Variants in NT5C2 observed in about 807,000 individuals in gnomAD.
The protein encoded by NT5C2 is 5'-nucleotidase, cytosolic II.
Under a neutral mutation model 76.1 loss-of-function variants are expected in NT5C2, and 58 were observed. The observed-to-expected ratio is 0.76, with a 90% CI of 0.62 to 0.95. NT5C2 has a LOEUF of 0.95. Among genes scored for constraint, NT5C2 ranks in the 40% least tolerant of loss-of-function variants. NT5C2 has a pLI of 0.00. For synonymous variants in NT5C2, 229 were observed against 237.4 expected, an observed-to-expected ratio of 0.96 and a Z score of 0.32; for missense variants, 478 against 690.3, an observed-to-expected ratio of 0.69 and a Z score of 3.45.
chr10:103,147,121 A>C (rs1451697158), intron 3 of NT5C2, among the ~76,000 whole-genome samples: 1 of 152,222 alleles, frequency 6.6e-6, no homozygotes, highest in Non-Finnish European at 1.5e-5. Context: ...AGTTATTTAT[A>C]AACTGGTCCT....
chr10:103,186,912 CA>C (rs34351688), intron 1 of NT5C2, among the ~76,000 whole-genome samples: 29,151 of 88,232 alleles, frequency 0.33, 2,979 homozygotes, highest in East Asian at 0.53. Flanking sequence ...GACTCCGTCT[CA>C]AAAAAAAAAA....
At chr10:103,097,852 C>A in intron 10 of NT5C2, 1 of 360,414 alleles carries the variant, frequency 2.8e-6, no homozygotes, top group Admixed American at 4.4e-5. Flanking sequence ...TAGAAATACC[C>A]ACACCCACGT....
chr10:103,136,626 A>T (rs1034067989), intron 4 of NT5C2, among the ~76,000 whole-genome samples: 46 of 143,068 alleles, frequency 3.2e-4, no homozygotes, highest in East Asian at 1.4e-3. Context: ...TCAGTTAATT[A>T]TTTTTTTTTT....
intron 4 of NT5C2, among the ~76,000 whole-genome samples, chr10:103,129,365 G>A (rs1422710463): frequency 1.5e-4 from 17 of 109,792 alleles, no homozygotes; most frequent in African/African-American, 5.3e-4. Context: ...TCAGCTCTCC[G>A]CCCGGCCAGC....
intron 10 of NT5C2, chr10:103,098,153 C>T (rs2068661884): frequency 2.1e-6 from 1 of 471,130 alleles, no homozygotes; most frequent in South Asian, 1.6e-5. Context: ...TATTCTAAAA[C>T]AGTTCTAGAC....
intron 3 of NT5C2, among the ~76,000 whole-genome samples, chr10:103,173,711 G>A (rs2088954952): frequency 6.6e-6 from 1 of 151,554 alleles, no homozygotes; most frequent in Admixed American, 6.6e-5. Flanking sequence ...TGGATCACGA[G>A]GTCTGGAGTT....
chr10:103,089,433 T>G lies in NT5C2; in HGVS notation c.*239A>C. 2.0e-6 allele frequency: 1 copy of G among 501,770 alleles called. No homozygotes were observed. The highest frequency in any genetic ancestry group is 3.2e-6 in the Non-Finnish European group (1 of 315,636). The allele number at this position is 501,770 out of a possible 1,614,324, so 31.1% of individuals were successfully genotyped here. A position where few individuals can be genotyped will look rare whatever the true frequency, so the allele number is the denominator to read the frequency against. On this transcript the variant is annotated 3_prime_UTR_variant, in exon 19 of 19. Transcript: ENST00000404739. Reference sequence around the variant, plus strand: ...GCCATATACATGCAGTTCAGCCTGATTTTACCCTTATTTTCTTCTAATACA... The same window carrying G: ...GCCATATACATGCAGTTCAGCCTGAGTTTACCCTTATTTTCTTCTAATACA...
chr10:103,097,445 C>T, intron 10 of NT5C2, 71 bp from the exon 11 acceptor site: 1 of 1,305,780 alleles, frequency 7.7e-7, no homozygotes, highest in Non-Finnish European at 1.1e-6. Flanking sequence ...TTGTCAAATA[C>T]TGGATTTCTG....
intron 4 of NT5C2, among the ~76,000 whole-genome samples, chr10:103,108,961 C>T (rs748158035): frequency 2.0e-5 from 3 of 151,906 alleles, no homozygotes; most frequent in Non-Finnish European, 4.4e-5. Flanking sequence ...CAGATTCAAG[C>T]GATTCTCATG....
chr10:103,117,071 T>G (rs572030605), intron 4 of NT5C2, among the ~76,000 whole-genome samples: 95 of 152,226 alleles, frequency 6.2e-4, no homozygotes, highest in African/African-American at 2.0e-3. Context: ...GAGAAAAATT[T>G]TTAAATAAGG....
intron 2 of NT5C2, among the ~76,000 whole-genome samples, chr10:103,180,356 A>T (rs2090838379): frequency 6.6e-6 from 1 of 152,254 alleles, no homozygotes. Flanking sequence ...TTTAAAACTT[A>T]AACATATATC....
intron 3 of NT5C2, among the ~76,000 whole-genome samples, chr10:103,147,993 CTGT>C (rs2081774460): frequency 1.3e-5 from 2 of 151,884 alleles, no homozygotes; most frequent in Admixed American, 6.6e-5. Context: ...CTCAATAAAG[CTGT>C]TATTAAAAAA....
intron 1 of NT5C2, among the ~76,000 whole-genome samples, chr10:103,184,247 A>G (rs1321493499): frequency 1.3e-5 from 2 of 152,154 alleles, no homozygotes; most frequent in African/African-American, 4.8e-5. Context: ...TGCCCAGCCT[A>G]TAAACAAGTT....
At position 103,089,452 on chromosome 10, in the gene NT5C2, T is replaced by TAATA; in HGVS notation, c.*216_*219dup. 1 of 657,326 alleles carries TAATA rather than the reference T, an allele frequency of 1.5e-6. No homozygotes were observed. The allele number at this position is 657,326 out of a possible 1,614,324, so 40.7% of individuals were successfully genotyped here. A position where few individuals can be genotyped will look rare whatever the true frequency, so the allele number is the denominator to read the frequency against. ...GCCTGATTTTACCCTTATTTTCTTC[T>TAATA]AATACAGACTCCATTACAATTTTGG... is the stretch of plus-strand genomic sequence containing the variant. On this transcript the variant is annotated 3_prime_UTR_variant, in exon 19 of 19. Coordinates refer to ENST00000404739, the MANE Select transcript of NT5C2 (RefSeq NM_001351169.2).
chr10:103,185,977 T>G (rs76036912), intron 1 of NT5C2, among the ~76,000 whole-genome samples: 9 of 152,348 alleles, frequency 5.9e-5, no homozygotes, highest in African/African-American at 2.2e-4. Context: ...CTATTTTTCA[T>G]GTATGATTCT....
At chr10:103,126,013 A>G (rs1318875128) in intron 4 of NT5C2, among the ~76,000 whole-genome samples, 2 of 152,134 alleles carry the variant, frequency 1.3e-5, no homozygotes, top group African/African-American at 2.4e-5. Flanking sequence ...GGTTAGCCTG[A>G]CTCATCTGTG....
intron 3 of NT5C2, chr10:103,146,320 T>C: frequency 1.0e-6 from 1 of 985,440 alleles, no homozygotes. Context: ...CTGTAACTCC[T>C]CCCCTTGCCT....
chr10:103,127,373 G>A (rs2076865023), intron 4 of NT5C2, among the ~76,000 whole-genome samples: 1 of 152,158 alleles, frequency 6.6e-6, no homozygotes, highest in Non-Finnish European at 1.5e-5. Context: ...TAGAAATCCT[G>A]CAAATAAACC....
intron 4 of NT5C2, among the ~76,000 whole-genome samples, chr10:103,113,790 G>T (rs538218377): frequency 4.6e-5 from 7 of 152,314 alleles, no homozygotes; most frequent in African/African-American, 7.2e-5. Context: ...AGCCCAGGAA[G>T]TCTTCTTAAA....
Sources: gnomAD v4.1 joint callset for allele counts (sites outside exome capture counted in the v4.1 genomes callset) on GRCh38, gnomAD v4.1.1 for gene constraint, MANE v1.5 for transcripts, NCBI Gene and HGNC (gene_info 2026-07-23, HGNC 2026-07-21) for gene names.